GPHN: variants seen among roughly 807,000 people sequenced by gnomAD.
The protein encoded by GPHN is gephyrin.
GPHN carries 17 observed loss-of-function variants against 95.5 expected under a neutral mutation model. The observed-to-expected ratio is 0.18, with a 90% CI of 0.12 to 0.27. The LOEUF is 0.27. Ranked by LOEUF, GPHN falls within the 10% of genes least tolerant of loss-of-function variation. The pLI, the probability that GPHN is intolerant of heterozygous loss-of-function variation, is 1.00. For synonymous variants in GPHN, 320 were observed against 322.5 expected (o/e 0.99, Z 0.08); for missense variants, 660 against 978.1 (o/e 0.67, Z 4.34).
At chr14:66,728,697 T>C (rs989885380) in intron 2 of GPHN, among the ~76,000 whole-genome samples, 4 of 152,244 alleles carry the variant, frequency 2.6e-5, no homozygotes, top group African/African-American at 9.7e-5. Flanking sequence ...TCATTGTATC[T>C]AGGAAGTAAC....
chr14:66,826,635 C>T (rs2061397520), intron 4 of GPHN, among the ~76,000 whole-genome samples: 1 of 152,144 alleles, frequency 6.6e-6, no homozygotes, highest in African/African-American at 2.4e-5. Flanking sequence ...GGTCCAAAAC[C>T]TCCTGGAAAC....
At chr14:67,618,089 ATT>A in the GPHN span, among the ~76,000 whole-genome samples, 1 of 152,384 alleles carries the variant, frequency 6.6e-6, no homozygotes, top group East Asian at 1.9e-4. Context: ...TTCAGAAAAC[ATT>A]TAGTAAAGGG....
intron 1 of GPHN, among the ~76,000 whole-genome samples, chr14:66,551,944 G>A (rs1365020839): frequency 6.6e-6 from 1 of 152,116 alleles, no homozygotes; most frequent in Non-Finnish European, 1.5e-5. Flanking sequence ...AATTTGGGCA[G>A]GGATACAAAT....
At chr14:67,454,880 T>G in the GPHN span, among the ~76,000 whole-genome samples, 1 of 151,836 alleles carries the variant, frequency 6.6e-6, no homozygotes, top group African/African-American at 2.4e-5. Context: ...CCTTTTTTTT[T>G]TTTTCTTTTT....
the GPHN span, among the ~76,000 whole-genome samples, chr14:67,238,205 GATTGGCTCA>G: frequency 6.6e-6 from 1 of 151,338 alleles, no homozygotes; most frequent in East Asian, 1.9e-4. Flanking sequence ...GAGATTCTGG[GATTGGCTCA>G]ATTCACCAGA....
chr14:66,767,719 A>G (rs147112924), intron 2 of GPHN, among the ~76,000 whole-genome samples: 82 of 152,138 alleles, frequency 5.4e-4, no homozygotes, highest in Non-Finnish European at 9.6e-4. Flanking sequence ...AAAGATAATC[A>G]GAAGAGTTGT....
the GPHN span, chr14:67,734,025 G>T: frequency 1.8e-6 from 1 of 561,202 alleles, no homozygotes; most frequent in Non-Finnish European, 3.3e-6. Context: ...TTGTGAGACT[G>T]GCTTATGGCA....
chr14:66,534,570 A>G (rs2059065150), intron 1 of GPHN, among the ~76,000 whole-genome samples: 1 of 152,132 alleles, frequency 6.6e-6, no homozygotes, highest in South Asian at 2.1e-4. Context: ...ATTCTCGTGT[A>G]TTTCTTTTTA....
intron 9 of GPHN, among the ~76,000 whole-genome samples, chr14:67,019,715 G>A (rs2073501472): frequency 6.6e-6 from 1 of 152,160 alleles, no homozygotes; most frequent in Admixed American, 6.5e-5. Context: ...TGGTGTTACA[G>A]TACATCTGGC....
chr14:67,442,026 A>AT, the GPHN span: 1 of 153,924 alleles, frequency 6.5e-6, no homozygotes, highest in Non-Finnish European at 1.5e-5. Context: ...AAATGTTTTA[A>AT]TTTTAATTTC....
the GPHN span, among the ~76,000 whole-genome samples, chr14:67,604,031 C>T: frequency 4.6e-5 from 7 of 151,030 alleles, no homozygotes; most frequent in African/African-American, 1.5e-4. Context: ...CTTGCTCTGT[C>T]GCCTAGGCAA....
chr14:67,491,593 C>T, the GPHN span, among the ~76,000 whole-genome samples: 3,658 of 152,232 alleles, frequency 0.024, 167 homozygotes, highest in African/African-American at 0.084. Context: ...GGACAAAGAC[C>T]GAATACATTT....
At chr14:66,606,401 A>T (rs1216093327) in intron 1 of GPHN, among the ~76,000 whole-genome samples, 1 of 152,096 alleles carries the variant, frequency 6.6e-6, no homozygotes, top group Non-Finnish European at 1.5e-5. Flanking sequence ...ATAGCCTTAT[A>T]GTATAGTTTG....
At chr14:66,855,397 A>G (rs758144310) in intron 4 of GPHN, among the ~76,000 whole-genome samples, 1 of 152,078 alleles carries the variant, frequency 6.6e-6, no homozygotes, top group Non-Finnish European at 1.5e-5. Context: ...CCTTTTGTGC[A>G]TGGCTTTTTT....
intron 4 of GPHN, among the ~76,000 whole-genome samples, chr14:66,871,909 CT>C (rs1696922178): frequency 6.6e-6 from 1 of 152,016 alleles, no homozygotes; most frequent in Admixed American, 6.5e-5. Flanking sequence ...CCTGCACATT[CT>C]GCACATGTAT....
At chr14:67,574,032 C>A in the GPHN span, 2 of 712,730 alleles carry the variant, frequency 2.8e-6, no homozygotes, top group Non-Finnish European at 4.8e-6. The surrounding 1 kb of genome is among the most constrained non-coding windows in gnomAD (Gnocchi z 4.2). Context: ...CTTGTGAGTA[C>A]AAGAAAGGAA....
chr14:66,514,000 G>A, intron 1 of GPHN, among the ~76,000 whole-genome samples: 1 of 151,922 alleles, frequency 6.6e-6, no homozygotes, highest in African/African-American at 2.4e-5. Flanking sequence ...AAAGCAGCAA[G>A]GAAATGAAAT....
At chr14:67,333,120 G>C in the GPHN span, 2 of 581,628 alleles carry the variant, frequency 3.4e-6, no homozygotes, top group Non-Finnish European at 5.8e-6. Context: ...AGTTCCCTTA[G>C]GCAGTTTGTG....
intron 19 of GPHN, among the ~76,000 whole-genome samples, chr14:67,161,128 A>G (rs529392024): frequency 1.3e-5 from 2 of 152,222 alleles, no homozygotes; most frequent in African/African-American, 2.4e-5. Context: ...CCCCATCTCT[A>G]TAAAAAATAC....
Sources: gnomAD v4.1 joint callset for allele counts (sites outside exome capture counted in the v4.1 genomes callset) on GRCh38, gnomAD v4.1.1 for gene constraint, Gnocchi (gnomAD v3.1) non-coding constraint, MANE v1.5 for transcripts, NCBI Gene and HGNC (gene_info 2026-07-23, HGNC 2026-07-21) for gene names.